Variants in ANO2 observed in about 807,000 individuals in gnomAD.
ANO2 encodes anoctamin-2.
In ANO2, 101 loss-of-function variants were observed where a neutral mutation model predicts 124.2. That is an observed-to-expected ratio of 0.81 (90% CI 0.69 to 0.96). ANO2 has a LOEUF of 0.96. ANO2 is among the 40% of genes least tolerant of loss of function. The pLI, the probability that ANO2 is intolerant of heterozygous loss-of-function variation, is 0.00. For missense variants in ANO2, 1,293 were observed against 1,274.5 expected (o/e 1.01, Z -0.22); for synonymous variants, 486 against 482.5 (o/e 1.01, Z -0.09).
intron 20 of ANO2, among the ~76,000 whole-genome samples, chr12:5,583,337 T>C (rs1942863106): frequency 6.6e-6 from 1 of 152,180 alleles, no homozygotes; most frequent in Non-Finnish European, 1.5e-5. Context: ...CCAATTCTAA[T>C]GAAAATGATT....
intron 20 of ANO2, among the ~76,000 whole-genome samples, chr12:5,579,780 G>A (rs899548022): frequency 2.0e-5 from 3 of 152,134 alleles, no homozygotes; most frequent in Admixed American, 1.3e-4. Context: ...CAACGACCAT[G>A]GTCCTGCCTT....
rs540187202 is a variant in ANO2 at position 5,640,761 on chromosome 12, T to C, written c.1621-5414A>G. On this transcript the variant is annotated intron_variant, in intron 15 of 24. Coordinates refer to ENST00000682330, the MANE Select transcript of ANO2 (RefSeq NM_001364791.2). ...GAGGATGCGGAGAAATAGGAACACT[T>C]TTACACTGTTGGTGGGAGCGTGAAC... 2.0e-5 allele frequency among the ~76,000 whole-genome samples: 3 copies of C among 152,278 alleles called. No homozygotes were observed. The South Asian group carries it at 6.2e-4, about 32-fold the overall frequency.
chr12:5,905,722 G>C (rs184459317), intron 3 of ANO2, among the ~76,000 whole-genome samples: 1 of 152,310 alleles, frequency 6.6e-6, no homozygotes, highest in East Asian at 1.9e-4. Flanking sequence ...CAATGGCACA[G>C]AGCCAGAGAG....
intron 15 of ANO2, among the ~76,000 whole-genome samples, chr12:5,640,360 AC>A (rs1946276743): frequency 6.6e-6 from 1 of 151,996 alleles, no homozygotes; most frequent in Non-Finnish European, 1.5e-5. Flanking sequence ...CACCACCCTG[AC>A]CCCTTCATCT....
chr12:5,930,983 C>G (rs1198751049), intron 1 of ANO2, among the ~76,000 whole-genome samples: 1 of 152,136 alleles, frequency 6.6e-6, no homozygotes, highest in Non-Finnish European at 1.5e-5. Flanking sequence ...ATGCCACCAC[C>G]ACAGTTTGCA....
chr12:5,819,854 C>T (rs1246887859), intron 7 of ANO2, among the ~76,000 whole-genome samples: 3 of 73,542 alleles, frequency 4.1e-5, no homozygotes, highest in African/African-American at 1.2e-4. Flanking sequence ...GGCCAAGTGG[C>T]AGCACTCAAC....
chr12:5,635,447 T>A lies in ANO2; in HGVS notation c.1621-100A>T. The A allele has an allele frequency of 1.1e-6, 1 of 932,534 alleles. No homozygotes were observed. The highest frequency in any genetic ancestry group is 1.5e-6 in the Non-Finnish European group (1 of 686,028). The allele number at this position is 932,534 out of a possible 1,614,324, so 57.8% of individuals were successfully genotyped here. On this transcript the variant is annotated intron_variant, in intron 15 of 24. Coordinates refer to ENST00000682330, the MANE Select transcript of ANO2 (RefSeq NM_001364791.2). This position sits in a 1 kb window ranked among gnomAD's most constrained non-coding sequence, Gnocchi z 5.2. The stretch of plus-strand genomic sequence containing the variant: ...ACCATTTGCTGTTATCAGATATTAT[T>A]AATCTGGAATCTTTTGTTGGGTAAC...
chr12:5,876,158 G>A (rs1938085874), intron 3 of ANO2, among the ~76,000 whole-genome samples: 1 of 152,182 alleles, frequency 6.6e-6, no homozygotes, highest in South Asian at 2.1e-4. Flanking sequence ...TTAAGTCCTA[G>A]AATATGATGG....
rs1941488284 is a variant in ANO2 at position 5,918,150 on chromosome 12, G to C, written c.534+2890C>G. Among the ~76,000 whole-genome samples the C allele has an allele frequency of 4.6e-5, 7 of 152,288 alleles. No homozygotes were observed. The South Asian group carries it at 1.2e-3, about 27-fold the overall frequency. ...TCACCTTGGAGAGACCATCTCAGCA[G>C]ACCCCAGCTGGAGCCACCAAGTGAG... On this transcript the variant is annotated intron_variant, in intron 3 of 24. Coordinates refer to ENST00000682330, the MANE Select transcript of ANO2 (RefSeq NM_001364791.2).
chr12:5,721,072 T>C (rs2137051816), intron 14 of ANO2, among the ~76,000 whole-genome samples: 1 of 152,288 alleles, frequency 6.6e-6, no homozygotes, highest in Non-Finnish European at 1.5e-5. Context: ...CGAACCACGC[T>C]GGAGATTGTA....
chr12:5,692,982 C>T (rs549810271), intron 14 of ANO2, among the ~76,000 whole-genome samples: 1 of 152,296 alleles, frequency 6.6e-6, no homozygotes, highest in African/African-American at 2.4e-5. Flanking sequence ...CCCCCTGGGA[C>T]TCCACTTTTT....
chr12:5,900,249 T>C lies in ANO2; in HGVS notation c.534+20791A>G, dbSNP rs1940094111. On this transcript the variant is annotated intron_variant, in intron 3 of 24. Transcript: ENST00000682330. The surrounding 1 kb of genome is among the most constrained non-coding windows in gnomAD (Gnocchi z 4.2). The stretch of plus-strand genomic sequence containing the variant: ...CACCACTATGCCCAGCTTCATCTTC[T>C]AGCTCTGGCTCAAGGTAAAGAGTGA... Among the ~76,000 whole-genome samples, 1 of 152,176 alleles carries C rather than the reference T, an allele frequency of 6.6e-6. No individual in the cohort carries two copies. The highest frequency in any genetic ancestry group is 1.5e-5 in the Non-Finnish European group (1 of 68,022).
At chr12:5,633,494 T>C (rs1257281044) in intron 16 of ANO2, among the ~76,000 whole-genome samples, 1 of 152,102 alleles carries the variant, frequency 6.6e-6, no homozygotes, top group Non-Finnish European at 1.5e-5. Flanking sequence ...TGAATGCCCC[T>C]GGGAACTCCA....
intron 3 of ANO2, among the ~76,000 whole-genome samples, chr12:5,895,741 AAAAGTAGAACTACCATTTGATCCAGC>A (rs990480723): frequency 2.6e-5 from 4 of 152,170 alleles, no homozygotes; most frequent in African/African-American, 7.2e-5. Context: ...TTAAAGAACT[AAAAGTAGAACTACCATTTGATCCAGC>A]AATCCCACTT....
At chr12:5,820,038 T>C (rs138318191) in intron 7 of ANO2, among the ~76,000 whole-genome samples, 81 of 152,268 alleles carry the variant, frequency 5.3e-4, no homozygotes, top group African/African-American at 1.8e-3. Flanking sequence ...AGCAGAAAAC[T>C]TCTAGGTCAA....
At chr12:5,731,707 C>G (rs763208009) in intron 14 of ANO2, among the ~76,000 whole-genome samples, 12 of 151,826 alleles carry the variant, frequency 7.9e-5, no homozygotes, top group Non-Finnish European at 1.6e-4. Context: ...AGTTTTTTTA[C>G]GAACCACAGC....
At chr12:5,651,034 T>C (rs574629787) in intron 14 of ANO2, among the ~76,000 whole-genome samples, 9 of 152,314 alleles carry the variant, frequency 5.9e-5, no homozygotes, top group African/African-American at 1.9e-4. Flanking sequence ...ATCACATGAG[T>C]GCATGCATAT....
chr12:5,845,274 G>T (rs9737711), intron 4 of ANO2, among the ~76,000 whole-genome samples: 33 of 142,574 alleles, frequency 2.3e-4, no homozygotes, highest in African/African-American at 8.5e-4. Context: ...TCTCAAAAAA[G>T]AAAAAAAAAA....
At chr12:5,700,248 C>T (rs1949348876) in intron 14 of ANO2, among the ~76,000 whole-genome samples, 1 of 152,194 alleles carries the variant, frequency 6.6e-6, no homozygotes. Context: ...GTCTCTCAGA[C>T]CACAGTGCAA....
Sources: gnomAD v4.1 joint callset for allele counts (sites outside exome capture counted in the v4.1 genomes callset) on GRCh38, gnomAD v4.1.1 for gene constraint, Gnocchi (gnomAD v3.1) non-coding constraint, MANE v1.5 for transcripts, NCBI Gene and HGNC (gene_info 2026-07-23, HGNC 2026-07-21) for gene names.